The following FAM186B variants were observed in gnomAD, a reference collection of about 807,000 sequenced individuals.
FAM186B encodes family with sequence similarity 186 member B, also known as protein FAM186B.
A neutral mutation model predicts 83.4 loss-of-function variants in FAM186B; 68 were observed. The observed-to-expected ratio is 0.81, with a 90% CI of 0.67 to 1.00. The LOEUF (loss-of-function observed/expected upper bound fraction) is 1.00, where lower values mean the gene tolerates loss of function less well. Ranked by LOEUF, FAM186B falls within the 50% of genes least tolerant of loss-of-function variation. The pLI is 0.00. For synonymous variants in FAM186B, 389 were observed against 422.0 expected (o/e 0.92, Z 0.96); for missense variants, 983 against 1,099.2 (o/e 0.89, Z 1.49).
In FAM186B at chr12:49,605,526, G is replaced by A. The variant is rs753232524; in HGVS notation, c.-49C>T. ...AAACATCCTGTGTTTCTGGTCCACA[G>A]GCCTGGACACACAATGTTGCCTGCT... On this transcript the variant is annotated 5_prime_UTR_variant, in exon 1 of 7. Transcript: ENST00000257894. The A allele has an allele frequency of 8.2e-6, 13 of 1,578,940 alleles. No homozygotes were observed. Among genetic ancestry groups the A allele is most frequent in the Non-Finnish European group, 1.1e-5 (13 of 1,159,808 alleles).
the FAM186B span, among the ~76,000 whole-genome samples, chr12:49,617,545 A>G: frequency 2.0e-5 from 3 of 152,184 alleles, no homozygotes; most frequent in Non-Finnish European, 4.4e-5. Context: ...CCCTGTCTCA[A>G]AAAAAAGCAA....
the FAM186B span, among the ~76,000 whole-genome samples, chr12:49,615,923 G>A: frequency 6.6e-6 from 1 of 152,180 alleles, no homozygotes; most frequent in East Asian, 1.9e-4. Flanking sequence ...TGAGTCAGAT[G>A]ATAAAAAGTG....
the FAM186B span, among the ~76,000 whole-genome samples, chr12:49,617,483 A>G: frequency 1.3e-5 from 2 of 152,026 alleles, no homozygotes; most frequent in South Asian, 4.2e-4. Context: ...GGCAGAGGCT[A>G]CAGTGAGCCG....
chr12:49,617,714 TA>T, the FAM186B span, among the ~76,000 whole-genome samples: 1 of 151,722 alleles, frequency 6.6e-6, no homozygotes, highest in African/African-American at 2.4e-5. Flanking sequence ...AAAATATACT[TA>T]AAGTTTCTGG....
chr12:49,607,663 C>A (rs912936902), upstream of FAM186B, among the ~76,000 whole-genome samples: 2 of 152,130 alleles, frequency 1.3e-5, no homozygotes, highest in Non-Finnish European at 1.5e-5. Context: ...AAGAACACTT[C>A]TCAAATCATT....
At chr12:49,609,048 G>A (rs537336494), upstream of FAM186B, among the ~76,000 whole-genome samples, 1 of 152,258 alleles carries the variant, frequency 6.6e-6, no homozygotes, top group Admixed American at 6.5e-5. Context: ...CTGCTCTCGA[G>A]GTGCATAGAG....
chr12:49,596,102 A>T (rs1047838890), intron 5 of FAM186B, among the ~76,000 whole-genome samples: 8 of 152,228 alleles, frequency 5.3e-5, no homozygotes, highest in African/African-American at 1.9e-4. Context: ...ATGGTAGATT[A>T]ATGTGTTCAG....
At chr12:49,610,526 C>T (rs946981574), upstream of FAM186B, among the ~76,000 whole-genome samples, 2 of 152,184 alleles carry the variant, frequency 1.3e-5, no homozygotes, top group East Asian at 1.9e-4. Context: ...CGTGGTGGCT[C>T]ACGCCTGTAA....
chr12:49,603,034 C>T (rs1210774840), intron 3 of FAM186B, 151 bp downstream of exon 3: 1 of 816,326 alleles, frequency 1.2e-6, no homozygotes, highest in Non-Finnish European at 2.0e-6. Context: ...TGGGCTCAAC[C>T]CTCAGCCCCT....
rs78475684 is a variant in FAM186B, at chr12:49,598,909, G to A, written c.2210C>T (p.Thr737Met). Residue 737 changes from threonine (T) to methionine (M), a missense_variant, in exon 5 of 7, where the codon ACG (threonine) becomes ATG (methionine). By Grantham distance (81) the Thr-to-Met change is moderately conservative. Transcript: ENST00000257894. ...GTTCTGGGCCTTGTAGGAAGCCTCC[G>A]TTTCTTTCATGATTTGTACATGGTT... is the stretch of plus-strand genomic sequence containing the variant. ...AINHVQIMKE[T>M]EASYKAQNLY... 4,853 of 1,613,688 alleles carry A rather than the reference G, an allele frequency of 3.0e-3. 134 individuals are homozygous for A. The African/African-American group carries it at 0.054, about 18-fold the overall frequency.
intron 3 of FAM186B, among the ~76,000 whole-genome samples, chr12:49,602,575 A>G (rs1019517676): frequency 5.3e-5 from 8 of 152,236 alleles, no homozygotes; most frequent in Non-Finnish European, 1.2e-4. Context: ...AAAGTGATAC[A>G]ACCAGAAATT....
chr12:49,596,099 A>C lies in FAM186B; in HGVS notation c.2364+2656T>G, dbSNP rs567294413. Among the ~76,000 whole-genome samples, 20 of 152,320 alleles carry C rather than the reference A, an allele frequency of 1.3e-4. No homozygotes were observed. In the South Asian group the frequency reaches 2.7e-3, roughly 20 times the overall value. On this transcript the variant is annotated intron_variant, in intron 5 of 6. Transcript: ENST00000257894. ...TTCGCTCTAGACAAAACAATGGTAGATTAATGTGTTCAGAAGCCACCGTCA... is the reference window on the plus strand; with the variant it reads ...TTCGCTCTAGACAAAACAATGGTAGCTTAATGTGTTCAGAAGCCACCGTCA...
At chr12:49,593,952 G>C (rs1308944597) in intron 5 of FAM186B, 1 of 153,194 alleles carries the variant, frequency 6.5e-6, no homozygotes, top group Non-Finnish European at 1.5e-5. Context: ...TATACAGCAT[G>C]CTCATGAATT....
downstream of FAM186B, chr12:49,584,486 A>G (rs1279932508): frequency 2.4e-5 from 17 of 702,084 alleles, 1 homozygote; most frequent in East Asian, 4.0e-4. Context: ...GATGCAGTGG[A>G]GACTGGGGCT....
chr12:49,587,358 A>G, downstream of FAM186B: 1 of 537,100 alleles, frequency 1.9e-6, no homozygotes, highest in South Asian at 2.1e-5. Context: ...TGTGAAGGAA[A>G]AGCCCCCTGG....
chr12:49,595,159 A>C, intron 5 of FAM186B: 1 of 439,030 alleles, frequency 2.3e-6, no homozygotes. Context: ...TGGCTAAAGG[A>C]GCAGAGGAAA....
the FAM186B span, among the ~76,000 whole-genome samples, chr12:49,616,220 G>C: frequency 2.6e-5 from 4 of 152,082 alleles, no homozygotes; most frequent in African/African-American, 4.8e-5. Flanking sequence ...AGAAGAGATG[G>C]GGTTTCACCA....
chr12:49,618,639 T>C, the FAM186B span, among the ~76,000 whole-genome samples: 1 of 151,574 alleles, frequency 6.6e-6, no homozygotes, highest in Non-Finnish European at 1.5e-5. Flanking sequence ...ATTCGGAGAA[T>C]AAAAATAAAG....
the FAM186B span, among the ~76,000 whole-genome samples, chr12:49,617,101 G>A: frequency 1.3e-5 from 2 of 152,054 alleles, no homozygotes; most frequent in Non-Finnish European, 2.9e-5. Context: ...CTTGGTGGCC[G>A]GCTACAACAC....
Sources: gnomAD v4.1 joint callset for allele counts (sites outside exome capture counted in the v4.1 genomes callset) on GRCh38, gnomAD v4.1.1 for gene constraint, MANE v1.5 for transcripts, NCBI Gene and HGNC (gene_info 2026-07-23, HGNC 2026-07-21) for gene names.